Variants in NCK2 observed in about 807,000 individuals in gnomAD.
NCK2 encodes the protein cytoplasmic protein NCK2.
A neutral mutation model predicts 33.9 loss-of-function variants in NCK2; 16 were observed. The observed-to-expected ratio is 0.47, with a 90% confidence interval of 0.32 to 0.72. NCK2 has a LOEUF of 0.72. NCK2 is among the 30% of genes least tolerant of loss of function. The pLI is 0.03. For missense variants in NCK2, 418 were observed against 537.3 expected (o/e 0.78, Z 2.19); for synonymous variants, 273 against 239.9 (o/e 1.14, Z -1.27).
intron 3 of NCK2, among the ~76,000 whole-genome samples, chr2:105,863,514 G>C (rs1375868181): frequency 6.6e-6 from 1 of 152,172 alleles, no homozygotes; most frequent in Non-Finnish European, 1.5e-5. Context: ...CCGATCAGAA[G>C]GGGGAGCCTG....
At chr2:105,750,037 A>AACACACACACACACACACAC (rs72315025) in intron 1 of NCK2, among the ~76,000 whole-genome samples, 6,867 of 144,388 alleles carry the variant, frequency 0.048, 202 homozygotes, top group East Asian at 0.093. Context: ...AAAGCAAACA[A>AACACACACACACACACACAC]ACACACACAC....
intron 1 of NCK2, among the ~76,000 whole-genome samples, chr2:105,759,802 A>C (rs1245761010): frequency 1.2e-4 from 19 of 152,132 alleles, no homozygotes; most frequent in Admixed American, 1.2e-3. Context: ...GACAGCTTTG[A>C]GGAGCAAAAC....
intron 4 of NCK2, among the ~76,000 whole-genome samples, chr2:105,886,487 T>C (rs1329110983): frequency 6.6e-6 from 1 of 152,244 alleles, no homozygotes; most frequent in African/African-American, 2.4e-5. Flanking sequence ...CTCTGCAACC[T>C]TGGTTTGAAG....
At chr2:105,775,167 G>A (rs915366569) in intron 1 of NCK2, among the ~76,000 whole-genome samples, 2 of 152,212 alleles carry the variant, frequency 1.3e-5, no homozygotes, top group African/African-American at 4.8e-5. Context: ...TTGAGGGGTG[G>A]TTTTTACGTG....
At chr2:105,874,451 C>A (rs1431402891) in intron 3 of NCK2, among the ~76,000 whole-genome samples, 1 of 152,196 alleles carries the variant, frequency 6.6e-6, no homozygotes, top group Non-Finnish European at 1.5e-5. Context: ...GTGGGGGAAA[C>A]CCCCACAGAT....
At chr2:105,885,574 TAAAAC>T (rs1458440823) in intron 4 of NCK2, among the ~76,000 whole-genome samples, 5 of 152,164 alleles carry the variant, frequency 3.3e-5, no homozygotes, top group African/African-American at 1.2e-4. Flanking sequence ...TGAAGCTTGT[TAAAAC>T]AAATTGCTGG....
At chr2:105,752,452 T>C (rs1689482178) in intron 1 of NCK2, among the ~76,000 whole-genome samples, 1 of 152,248 alleles carries the variant, frequency 6.6e-6, no homozygotes, top group Non-Finnish European at 1.5e-5. Context: ...TGGTTTGAAT[T>C]CTAGAAGTTA....
chr2:105,829,866 T>C (rs1558858853), intron 2 of NCK2, among the ~76,000 whole-genome samples: 1 of 152,198 alleles, frequency 6.6e-6, no homozygotes, highest in African/African-American at 2.4e-5. Flanking sequence ...TTATTTAGAG[T>C]TATTCTTCCA....
Position 105,744,950 on chromosome 2 carries a change from G to A in NCK2, c.-389G>A, listed in dbSNP as rs945471855. The A allele has an allele frequency of 6.8e-6, 1 of 146,012 alleles. No individual in the cohort carries two copies. Among genetic ancestry groups the A allele is most frequent in the Non-Finnish European group, 1.5e-5 (1 of 65,588 alleles). 9.0% of individuals were successfully genotyped at this position (146,012 alleles called of 1,614,324 possible). A position where few individuals can be genotyped will look rare whatever the true frequency, so the allele number is the denominator to read the frequency against. On this transcript the variant is annotated 5_prime_UTR_variant, in exon 1 of 5. Transcript: ENST00000233154. ...GCGGCCGAGCGGGCGGCGGGCGGAG[G>A]GGAGGGCTTGGCGGCCGGGAGGCTC...
intron 1 of NCK2, among the ~76,000 whole-genome samples, chr2:105,811,686 A>G (rs1423577340): frequency 2.6e-5 from 4 of 152,140 alleles, no homozygotes; most frequent in African/African-American, 7.2e-5. Flanking sequence ...AAAATGCTAC[A>G]TGAATTGCAT....
chr2:105,879,019 C>T (rs1678351567), intron 3 of NCK2, among the ~76,000 whole-genome samples: 2 of 152,156 alleles, frequency 1.3e-5, no homozygotes, highest in African/African-American at 4.8e-5. Context: ...GTAGAATATT[C>T]GTCTATCAGT....
intron 1 of NCK2, among the ~76,000 whole-genome samples, chr2:105,787,674 C>G (rs1690729038): frequency 6.6e-6 from 1 of 152,122 alleles, no homozygotes. Flanking sequence ...GGTGGAGACT[C>G]CACCCCATGG....
chr2:105,889,734 T>C (rs1678894890), intron 4 of NCK2, among the ~76,000 whole-genome samples: 1 of 152,010 alleles, frequency 6.6e-6, no homozygotes, highest in Non-Finnish European at 1.5e-5. Flanking sequence ...CAGGTATGCA[T>C]CACCACACCT....
intron 1 of NCK2, among the ~76,000 whole-genome samples, chr2:105,783,633 A>T (rs1032321298): frequency 6.6e-6 from 1 of 152,190 alleles, no homozygotes; most frequent in Non-Finnish European, 1.5e-5. Flanking sequence ...TCCTCTGAGC[A>T]TCATGAAATA....
In NCK2 at chr2:105,834,552, A is replaced by T. The variant is rs1377957977; in HGVS notation, c.-17+17939A>T. Among the ~76,000 whole-genome samples, 4 of 150,166 alleles carry T rather than the reference A, an allele frequency of 2.7e-5. No homozygotes were observed. In the South Asian group the frequency reaches 8.6e-4, roughly 32 times the overall value. ...CAGTCTCTGTGTGTCTTTATAGGTA[A>T]TGTTTTTTGTAAGCAGCATATAGTT... is the stretch of plus-strand genomic sequence containing the variant. On this transcript the variant is annotated intron_variant, in intron 2 of 4. Coordinates refer to ENST00000233154, the MANE Select transcript of NCK2 (RefSeq NM_003581.5).
At chr2:105,831,029 T>C (rs571507150) in intron 2 of NCK2, among the ~76,000 whole-genome samples, 4 of 152,314 alleles carry the variant, frequency 2.6e-5, no homozygotes, top group African/African-American at 9.6e-5. Context: ...TATTCCAGAG[T>C]GTCTCTTCAT....
chr2:105,777,251 CG>C (rs1036000053), intron 1 of NCK2, among the ~76,000 whole-genome samples: 1 of 152,018 alleles, frequency 6.6e-6, no homozygotes, highest in Non-Finnish European at 1.5e-5. Context: ...CGGGGTGTTG[CG>C]GGGGGGCAAC....
chr2:105,783,053 A>G (rs1690554031), intron 1 of NCK2, among the ~76,000 whole-genome samples: 1 of 152,202 alleles, frequency 6.6e-6, no homozygotes, highest in African/African-American at 2.4e-5. Context: ...TACCTGGGAT[A>G]TAACCGTGGA....
At chr2:105,833,019 A>C (rs1676259116) in intron 2 of NCK2, among the ~76,000 whole-genome samples, 1 of 145,120 alleles carries the variant, frequency 6.9e-6, no homozygotes, top group African/African-American at 2.5e-5. Context: ...TTTTTTTTTA[A>C]ATGGATTCAG....
Sources: gnomAD v4.1 joint callset for allele counts (sites outside exome capture counted in the v4.1 genomes callset) on GRCh38, gnomAD v4.1.1 for gene constraint, MANE v1.5 for transcripts, NCBI Gene and HGNC (gene_info 2026-07-23, HGNC 2026-07-21) for gene names.